Variants in MYO10 observed in about 807,000 individuals in gnomAD.
MYO10 encodes the protein unconventional myosin-X.
A neutral mutation model predicts 257.3 loss-of-function variants in MYO10; 133 were observed. The ratio of observed to expected loss-of-function variants is 0.52; its 90% CI spans 0.45 to 0.60. The LOEUF (loss-of-function observed/expected upper bound fraction) is 0.60. Among genes scored for constraint, MYO10 ranks in the 20% least tolerant of loss-of-function variants. The pLI is 0.00. For missense variants in MYO10, 2,399 were observed against 2,635.7 expected (o/e 0.91, Z 1.97); for synonymous variants, 1,104 against 1,028.6 (o/e 1.07, Z -1.40).
Position 16,672,931 on chromosome 5 carries a change from C to T in MYO10, c.5173-106G>A, listed in dbSNP as rs577499155. On this transcript the variant is annotated intron_variant, in intron 36 of 40. Coordinates refer to ENST00000513610, the MANE Select transcript of MYO10 (RefSeq NM_012334.3). ...CCAGAGGGAGCTGCTGGCACAAGGG[C>T]GTCTCCAGCCTCCTAAAAATGTTAC... is the stretch of plus-strand genomic sequence containing the variant. 4.5e-5 allele frequency: 58 copies of T among 1,283,836 alleles called. No homozygotes were observed. The East Asian group carries it at 5.1e-4, about 11-fold the overall frequency. 79.5% of individuals were successfully genotyped at this position (1,283,836 alleles called of 1,614,324 possible). A position where few individuals can be genotyped will look rare whatever the true frequency, so the allele number is the denominator to read the frequency against.
At chr5:16,864,716 G>C (rs750053172) in intron 2 of MYO10, among the ~76,000 whole-genome samples, 7 of 152,016 alleles carry the variant, frequency 4.6e-5, no homozygotes, top group Non-Finnish European at 1.0e-4. Flanking sequence ...AAGCAGACGA[G>C]TTTTTTTTCT....
intron 36 of MYO10, 58 bp from the exon 37 acceptor site, chr5:16,672,883 C>T (rs1373698688): frequency 1.3e-6 from 2 of 1,564,068 alleles, no homozygotes; most frequent in Non-Finnish European, 8.7e-7. Context: ...ACACGTGTTC[C>T]CAGAACGTGC....
intron 2 of MYO10, among the ~76,000 whole-genome samples, chr5:16,833,673 G>A (rs1015188938): frequency 6.6e-6 from 1 of 152,156 alleles, no homozygotes; most frequent in Admixed American, 6.5e-5. Flanking sequence ...TGCAGAACAT[G>A]AGATTTGGCA....
At chr5:16,910,595 A>T (rs1745633727) in intron 1 of MYO10, among the ~76,000 whole-genome samples, 1 of 152,212 alleles carries the variant, frequency 6.6e-6, no homozygotes, top group African/African-American at 2.4e-5. Context: ...ATAGAAACTA[A>T]ACTACCTAAT....
intron 2 of MYO10, among the ~76,000 whole-genome samples, chr5:16,862,041 C>T (rs926842394): frequency 3.3e-5 from 5 of 152,158 alleles, no homozygotes; most frequent in African/African-American, 9.7e-5. Context: ...CCCCTTTACC[C>T]ATCCGAAATG....
intron 5 of MYO10, among the ~76,000 whole-genome samples, chr5:16,782,672 C>A (rs1348759504): frequency 6.6e-6 from 1 of 152,190 alleles, no homozygotes; most frequent in Non-Finnish European, 1.5e-5. Flanking sequence ...TTGCCGACCC[C>A]TGGACAAATC....
chr5:16,905,067 G>C (rs1393545162), intron 1 of MYO10, among the ~76,000 whole-genome samples: 2 of 152,194 alleles, frequency 1.3e-5, no homozygotes, highest in Non-Finnish European at 2.9e-5. Flanking sequence ...GAACAACCCA[G>C]TGCCTCTACT....
intron 39 of MYO10, among the ~76,000 whole-genome samples, chr5:16,669,395 G>A (rs1011773170): frequency 6.6e-6 from 1 of 151,994 alleles, no homozygotes; most frequent in Non-Finnish European, 1.5e-5. Flanking sequence ...TTGCAGAGAT[G>A]GGGTTTCACC....
At chr5:16,789,187 T>G (rs940051760) in intron 4 of MYO10, among the ~76,000 whole-genome samples, 3 of 152,218 alleles carry the variant, frequency 2.0e-5, no homozygotes, top group African/African-American at 7.2e-5. Context: ...GTGCAGGCTG[T>G]GCGTTGCATA....
chr5:16,936,050 A>G lies in MYO10; in HGVS notation c.-242T>C, dbSNP rs1004300635. On this transcript the variant is annotated 5_prime_UTR_variant, in exon 1 of 41. Transcript: ENST00000513610. ...TGTCTCTTCTTCCTCCAAGTTCCTC[A>G]CTACTGGGCGCAGCGCTCGCAAGCG... 5.5e-6 allele frequency: 3 copies of G among 546,166 alleles called. No homozygotes were observed. Among genetic ancestry groups the G allele is most frequent in the African/African-American group, 2.0e-5 (1 of 50,766 alleles). The allele number at this position is 546,166 out of a possible 1,614,324, so 33.8% of individuals were successfully genotyped here.
At chr5:16,917,319 G>GT (rs1372473566) in intron 1 of MYO10, among the ~76,000 whole-genome samples, 1 of 152,172 alleles carries the variant, frequency 6.6e-6, no homozygotes, top group East Asian at 1.9e-4. Flanking sequence ...ATTCTTGTAA[G>GT]TCAATCTTTT....
At chr5:16,669,089 C>T (rs1736317679) in intron 39 of MYO10, among the ~76,000 whole-genome samples, 1 of 152,156 alleles carries the variant, frequency 6.6e-6, no homozygotes. Flanking sequence ...GGGCTAACAA[C>T]ACAGGGCTGA....
intron 2 of MYO10, among the ~76,000 whole-genome samples, chr5:16,848,626 G>A (rs1048761540): frequency 1.3e-5 from 2 of 152,006 alleles, no homozygotes; most frequent in African/African-American, 2.4e-5. Flanking sequence ...TTTGGGAAAC[G>A]CTCGTCGTTA....
intron 1 of MYO10, among the ~76,000 whole-genome samples, chr5:16,912,215 T>G (rs1011394149): frequency 6.6e-6 from 1 of 152,186 alleles, no homozygotes; most frequent in Non-Finnish European, 1.5e-5. Context: ...CAAGTTTTGT[T>G]CGGCCCACTA....
chr5:16,889,726 A>G (rs1362912687), intron 1 of MYO10, among the ~76,000 whole-genome samples: 1 of 151,732 alleles, frequency 6.6e-6, no homozygotes, highest in Non-Finnish European at 1.5e-5. Flanking sequence ...CTGGTTTAAG[A>G]ACTGCATTCC....
chr5:16,666,910 C>A lies in MYO10; in HGVS notation c.6076-117G>T, dbSNP rs924474538. On this transcript the variant is annotated intron_variant, in intron 40 of 40. Coordinates refer to ENST00000513610, the MANE Select transcript of MYO10 (RefSeq NM_012334.3). ...TCCCGTAGCCTTCCATGCTAATCGA[C>A]GGATCCCATTTTGCAGGAAGCCAGA... is the stretch of plus-strand genomic sequence containing the variant. 5.4e-5 allele frequency: 40 copies of A among 741,758 alleles called. No individual in the cohort carries two copies. The Admixed American group carries it at 8.1e-4, about 15-fold the overall frequency. The allele number at this position is 741,758 out of a possible 1,614,324, so 45.9% of individuals were successfully genotyped here.
chr5:16,849,970 A>T (rs1030598133), intron 2 of MYO10, among the ~76,000 whole-genome samples: 51 of 152,184 alleles, frequency 3.4e-4, no homozygotes, highest in Admixed American at 6.5e-5. Flanking sequence ...GATGGCTTAG[A>T]TTTTTCTTTA....
At chr5:16,667,473 C>A (rs1308357649) in intron 40 of MYO10, among the ~76,000 whole-genome samples, 1 of 152,172 alleles carries the variant, frequency 6.6e-6, no homozygotes, top group African/African-American at 2.4e-5. Context: ...TCTGTAAATT[C>A]ACTGTTATGC....
At chr5:16,917,493 CCT>C (rs1461310879) in intron 1 of MYO10, among the ~76,000 whole-genome samples, 13 of 152,096 alleles carry the variant, frequency 8.5e-5, no homozygotes, top group African/African-American at 3.1e-4. Context: ...AGAAATGTCT[CCT>C]GATACTTCTA....
Sources: gnomAD v4.1 joint callset for allele counts (sites outside exome capture counted in the v4.1 genomes callset) on GRCh38, gnomAD v4.1.1 for gene constraint, MANE v1.5 for transcripts, NCBI Gene and HGNC (gene_info 2026-07-23, HGNC 2026-07-21) for gene names.